Variants in TMEM132B observed in about 807,000 individuals in gnomAD.
TMEM132B encodes the protein transmembrane protein 132B.
Under a neutral mutation model 90.8 loss-of-function variants are expected in TMEM132B, and 18 were observed. That is an observed-to-expected ratio of 0.20 (90% confidence interval 0.14 to 0.29). The LOEUF (loss-of-function observed/expected upper bound fraction) is 0.29, where lower values mean the gene tolerates loss of function less well. Among genes scored for constraint, TMEM132B ranks in the 10% least tolerant of loss-of-function variants. The pLI, the probability that TMEM132B is intolerant of heterozygous loss-of-function variation, is 1.00. For synonymous variants in TMEM132B, 504 were observed against 523.3 expected (o/e 0.96, Z 0.50); for missense variants, 1,096 against 1,326.8 (o/e 0.83, Z 2.70).
intron 3 of TMEM132B, among the ~76,000 whole-genome samples, chr12:125,516,109 T>TCA (rs918818590): frequency 6.6e-6 from 1 of 150,768 alleles, no homozygotes; most frequent in African/African-American, 2.4e-5. Context: ...ACACACACTA[T>TCA]CACACACACA....
intron 1 of TMEM132B, among the ~76,000 whole-genome samples, chr12:125,270,111 G>GTT (rs1367929367): frequency 1.4e-5 from 1 of 73,516 alleles, no homozygotes; most frequent in African/African-American, 6.3e-5. Flanking sequence ...TCACATCTTT[G>GTT]TTGTGTGTGT....
chr12:125,411,876 G>T (rs1354375117), intron 2 of TMEM132B, among the ~76,000 whole-genome samples: 1 of 152,130 alleles, frequency 6.6e-6, no homozygotes, highest in African/African-American at 2.4e-5. Flanking sequence ...GGAAGGCTGT[G>T]CTGGTTGACA....
chr12:125,654,964 G>A lies in TMEM132B; in HGVS notation c.*254G>A, dbSNP rs995281556. On this transcript the variant is annotated 3_prime_UTR_variant, in exon 9 of 9. Transcript: ENST00000682704. The surrounding 1 kb of genome is among the most constrained non-coding windows in gnomAD (Gnocchi z 5.8). ...AACAGTTTTATGGACTGCCTGGTAC[G>A]AGCTCAGTGCAAATGTATTAAACCT... 3 of 455,422 alleles carry A rather than the reference G, an allele frequency of 6.6e-6. No individual in the cohort carries two copies. Among genetic ancestry groups the A allele is most frequent in the Non-Finnish European group, 1.2e-5 (3 of 254,108 alleles). The allele number at this position is 455,422 out of a possible 1,614,324, so 28.2% of individuals were successfully genotyped here.
At chr12:125,589,930 T>C (rs563629153) in intron 5 of TMEM132B, among the ~76,000 whole-genome samples, 1 of 152,214 alleles carries the variant, frequency 6.6e-6, no homozygotes, top group African/African-American at 2.4e-5. Context: ...TGTTGAGATG[T>C]AATCCCCAGT....
intron 5 of TMEM132B, among the ~76,000 whole-genome samples, chr12:125,620,974 A>G (rs1365589847): frequency 1.3e-5 from 2 of 152,236 alleles, no homozygotes; most frequent in Non-Finnish European, 2.9e-5. Flanking sequence ...CATATCACAC[A>G]GACAACTGAA....
intron 3 of TMEM132B, among the ~76,000 whole-genome samples, chr12:125,430,373 A>G (rs1359743234): frequency 6.6e-6 from 1 of 152,202 alleles, no homozygotes; most frequent in Non-Finnish European, 1.5e-5. Context: ...AGGGAGCTAA[A>G]ACAGGGTCAT....
intron 4 of TMEM132B, among the ~76,000 whole-genome samples, chr12:125,520,070 C>T (rs1339967510): frequency 1.3e-5 from 2 of 152,184 alleles, no homozygotes; most frequent in African/African-American, 4.8e-5. Context: ...CTGAAAGAGC[C>T]TTGCTGGGAA....
In TMEM132B at chr12:125,349,402, A is replaced by G. The variant is rs370498564; in HGVS notation, c.68-50A>G. On this transcript the variant is annotated intron_variant, in intron 1 of 8. Coordinates refer to ENST00000682704, the MANE Select transcript of TMEM132B (RefSeq NM_001366854.1). The surrounding 1 kb of genome is among the most constrained non-coding windows in gnomAD (Gnocchi z 4.1). ...GTGGAGACTGCACTGCATTTATTTC[A>G]TTACATCTCAGAACACGGTTTTATT... 5 of 1,545,576 alleles carry G rather than the reference A, an allele frequency of 3.2e-6. No individual in the cohort carries two copies. The African/African-American group carries it at 5.5e-5, about 17-fold the overall frequency.
chr12:125,346,893 T>A (rs1398935621), intron 1 of TMEM132B, among the ~76,000 whole-genome samples: 1 of 152,260 alleles, frequency 6.6e-6, no homozygotes, highest in Non-Finnish European at 1.5e-5. Context: ...TTTGTTGAAG[T>A]CATGGTTTTG....
intron 1 of TMEM132B, among the ~76,000 whole-genome samples, chr12:125,225,025 T>G (rs931561718): frequency 6.6e-6 from 1 of 152,166 alleles, no homozygotes; most frequent in Non-Finnish European, 1.5e-5. Flanking sequence ...GGTGGAGGTG[T>G]GGGATACCAC....
intron 3 of TMEM132B, among the ~76,000 whole-genome samples, chr12:125,450,690 A>T (rs7294909): frequency 0.11 from 16,157 of 152,198 alleles, 1,845 homozygotes; most frequent in African/African-American, 0.28. Context: ...TTGGCACATT[A>T]TTTACATGGT....
chr12:125,418,927 C>G (rs1880096746), intron 3 of TMEM132B, among the ~76,000 whole-genome samples: 1 of 152,150 alleles, frequency 6.6e-6, no homozygotes, highest in Non-Finnish European at 1.5e-5. Flanking sequence ...ACAGATAACA[C>G]TGAACCAAGG....
intron 1 of TMEM132B, among the ~76,000 whole-genome samples, chr12:125,270,818 C>G (rs1441666526): frequency 1.3e-5 from 2 of 152,068 alleles, no homozygotes; most frequent in African/African-American, 2.4e-5. Context: ...AGTAGAGGTA[C>G]TTGGGGGCTC....
intron 3 of TMEM132B, among the ~76,000 whole-genome samples, chr12:125,493,508 T>C (rs373534263): frequency 1.3e-5 from 2 of 152,082 alleles, no homozygotes; most frequent in South Asian, 4.2e-4. Context: ...ACCCAGCATG[T>C]TAGTTTTTCT....
chr12:125,405,179 G>T (rs780779369), intron 2 of TMEM132B, among the ~76,000 whole-genome samples: 2 of 152,220 alleles, frequency 1.3e-5, no homozygotes, highest in Non-Finnish European at 2.9e-5. Flanking sequence ...CAAGATGTCC[G>T]TAGGGTTGAG....
At chr12:125,522,289 C>T (rs191567761) in intron 4 of TMEM132B, among the ~76,000 whole-genome samples, 1 of 152,168 alleles carries the variant, frequency 6.6e-6, no homozygotes, top group African/African-American at 2.4e-5. Context: ...CTGTCTCAGT[C>T]TAGGTCCAGC....
chr12:125,237,963 C>A (rs1267957157), intron 1 of TMEM132B, among the ~76,000 whole-genome samples: 1 of 152,176 alleles, frequency 6.6e-6, no homozygotes, highest in East Asian at 1.9e-4. Flanking sequence ...CAGGAGCAGA[C>A]TCGATGTCCC....
chr12:125,595,910 C>G (rs944330147), intron 5 of TMEM132B, among the ~76,000 whole-genome samples: 2 of 148,088 alleles, frequency 1.4e-5, no homozygotes, highest in Non-Finnish European at 3.0e-5. Context: ...TATCCACAAA[C>G]TAACTTTACC....
chr12:125,643,398 A>G (rs1886680109), intron 5 of TMEM132B, among the ~76,000 whole-genome samples: 1 of 152,242 alleles, frequency 6.6e-6, no homozygotes, highest in Non-Finnish European at 1.5e-5. Context: ...TTATTTGCTT[A>G]TCCTGAAAAT....
Sources: gnomAD v4.1 joint callset for allele counts (sites outside exome capture counted in the v4.1 genomes callset) on GRCh38, gnomAD v4.1.1 for gene constraint, Gnocchi (gnomAD v3.1) non-coding constraint, MANE v1.5 for transcripts, NCBI Gene and HGNC (gene_info 2026-07-23, HGNC 2026-07-21) for gene names.